Variants in KCTD15 observed in about 807,000 individuals in gnomAD.
KCTD15 encodes the protein potassium channel tetramerization domain containing 15.
In KCTD15, 11 loss-of-function variants were observed where a neutral mutation model predicts 27.2. The ratio of observed to expected loss-of-function variants is 0.41; its 90% CI spans 0.25 to 0.67. The LOEUF (loss-of-function observed/expected upper bound fraction) is 0.67. Among genes scored for constraint, KCTD15 ranks in the 30% least tolerant of loss-of-function variants. The pLI is 0.35. For synonymous variants in KCTD15, 163 were observed against 176.0 expected (o/e 0.93, Z 0.58); for missense variants, 350 against 409.3 (o/e 0.86, Z 1.25).
chr19:33,813,518 TG>T lies in KCTD15; in HGVS notation c.*574del, dbSNP rs1390984521. 5 of 410,728 alleles carry T rather than the reference TG, an allele frequency of 1.2e-5. No individual in the cohort carries two copies. The highest frequency in any genetic ancestry group is 2.1e-5 in the African/African-American group (1 of 48,592). The allele number at this position is 410,728 out of a possible 1,614,324, so 25.4% of individuals were successfully genotyped here. On this transcript the variant is annotated 3_prime_UTR_variant, in exon 7 of 7. Coordinates refer to ENST00000683859, the MANE Select transcript of KCTD15 (RefSeq NM_001129994.2). ...ATTCAGGCCCAGATGCCTGCAGGGCTGGGGCTCTCGGGACAGATGCAGGGAT... is the reference window on the plus strand; with the variant it reads ...ATTCAGGCCCAGATGCCTGCAGGGCTGGGCTCTCGGGACAGATGCAGGGAT...
chr19:33,813,199 C>G lies in KCTD15; in HGVS notation c.*251C>G. On this transcript the variant is annotated 3_prime_UTR_variant, in exon 7 of 7. Coordinates refer to ENST00000683859, the MANE Select transcript of KCTD15 (RefSeq NM_001129994.2). ...GATCTCTGCTGCCAGCTCTCCCAGCCCCTCAGCTTCGCAGCCTGGCGCAGC... is the reference window on the plus strand; with the variant it reads ...GATCTCTGCTGCCAGCTCTCCCAGCGCCTCAGCTTCGCAGCCTGGCGCAGC... The G allele has an allele frequency of 1.6e-6, 1 of 629,184 alleles. No homozygotes were observed. Among genetic ancestry groups the G allele is most frequent in the South Asian group, 1.7e-5 (1 of 57,600 alleles). The allele number at this position is 629,184 out of a possible 1,614,324, so 39.0% of individuals were successfully genotyped here.
In KCTD15 at chr19:33,801,164, T is replaced by A; in HGVS notation, c.67-3T>A. ...TTGTGTTCCGCTTTGTTTCCATCTC[T>A]AGGAGGGAGGAAACATGTCCCGGCT... On this transcript the variant is annotated splice_polypyrimidine_tract_variant and splice_region_variant and intron_variant, in intron 3 of 6. Transcript: ENST00000683859. The A allele has an allele frequency of 6.3e-7, 1 of 1,597,060 alleles. No homozygotes were observed.
intron 6 of KCTD15, 123 bp from the exon 7 acceptor site, chr19:33,812,667 T>A: frequency 7.2e-7 from 1 of 1,385,056 alleles, no homozygotes; most frequent in East Asian, 2.9e-5. Context: ...TGAGCAAGAC[T>A]GAGATCGTCA....
chr19:33,811,990 T>C, intron 6 of KCTD15: 2 of 1,477,324 alleles, frequency 1.4e-6, no homozygotes, highest in Admixed American at 2.7e-5. Flanking sequence ...AGAGAATCCC[T>C]GGACCGGCTC....
At chr19:33,801,784 T>G in intron 4 of KCTD15, 6 of 153,938 alleles carry the variant, frequency 3.9e-5, no homozygotes, top group Middle Eastern at 3.3e-3. Flanking sequence ...CTATTTTCTA[T>G]TCCACCCCTG....
chr19:33,811,989 C>A, intron 6 of KCTD15: 2 of 1,477,080 alleles, frequency 1.4e-6, no homozygotes, highest in Non-Finnish European at 8.9e-7. Context: ...AAGAGAATCC[C>A]TGGACCGGCT....
intron 3 of KCTD15, 126 bp from the exon 4 acceptor site, chr19:33,801,041 C>G: frequency 4.7e-6 from 4 of 847,880 alleles, no homozygotes; most frequent in Non-Finnish European, 7.1e-6. Context: ...TGATCAGGCA[C>G]GGGCAGAAGT....
At chr19:33,794,963 C>A (rs918530354), upstream of KCTD15, among the ~76,000 whole-genome samples, 3 of 152,184 alleles carry the variant, frequency 2.0e-5, no homozygotes. Flanking sequence ...GGTACCGGGG[C>A]GTAGGGAGCA....
At chr19:33,809,549 G>T (rs551065134) in intron 5 of KCTD15, among the ~76,000 whole-genome samples, 311 of 152,158 alleles carry the variant, frequency 2.0e-3, no homozygotes, top group Middle Eastern at 0.014. Flanking sequence ...AAAAGATGGG[G>T]TTGTCTGTCA....
intron 4 of KCTD15, among the ~76,000 whole-genome samples, chr19:33,804,964 T>C (rs528578765): frequency 6.6e-6 from 1 of 152,302 alleles, no homozygotes; most frequent in Non-Finnish European, 1.5e-5. Flanking sequence ...CGTTTGTCTT[T>C]CTTGGCCAGG....
chr19:33,803,248 C>T (rs1227067334), intron 4 of KCTD15, among the ~76,000 whole-genome samples: 1 of 152,228 alleles, frequency 6.6e-6, no homozygotes, highest in African/African-American at 2.4e-5. Context: ...AATCAGGGGA[C>T]AGGAGGCCAG....
intron 5 of KCTD15, among the ~76,000 whole-genome samples, chr19:33,808,096 A>T (rs1975770778): frequency 6.6e-6 from 1 of 152,252 alleles, no homozygotes; most frequent in African/African-American, 2.4e-5. Flanking sequence ...GTCATGCCTC[A>T]GTGCTGAGCC....
chr19:33,807,682 T>A (rs966847394), intron 5 of KCTD15, among the ~76,000 whole-genome samples: 7 of 152,076 alleles, frequency 4.6e-5, no homozygotes, highest in African/African-American at 1.4e-4. Context: ...ATTGCGCCAC[T>A]GCACTCTAGC....
chr19:33,803,890 G>A (rs1247779613), intron 4 of KCTD15, among the ~76,000 whole-genome samples: 2 of 152,088 alleles, frequency 1.3e-5, no homozygotes, highest in Non-Finnish European at 2.9e-5. Context: ...CCATCCTGAT[G>A]CTCCCCCTTG....
intron 5 of KCTD15, 65 bp from the exon 6 acceptor site, chr19:33,811,182 T>G: frequency 2.0e-4 from 47 of 234,460 alleles, no homozygotes; most frequent in East Asian, 3.3e-4. Context: ...CCGCCTCCCC[T>G]CTCCCCCTTC....
intron 4 of KCTD15, among the ~76,000 whole-genome samples, chr19:33,805,097 A>AT (rs979020742): frequency 2.6e-5 from 4 of 151,964 alleles, no homozygotes; most frequent in African/African-American, 7.3e-5. Flanking sequence ...TAATTTTTAA[A>AT]TTTTTTGTAG....
In KCTD15 at chr19:33,815,203, G is replaced by C. The variant is rs948667352; in HGVS notation, c.*2255G>C. The C allele has an allele frequency of 6.6e-6, 1 of 151,988 alleles. No homozygotes were observed. The allele number at this position is 151,988 out of a possible 1,614,324, so 9.4% of individuals were successfully genotyped here. A position where few individuals can be genotyped will look rare whatever the true frequency, so the allele number is the denominator to read the frequency against. On this transcript the variant is annotated 3_prime_UTR_variant, in exon 7 of 7. Coordinates refer to ENST00000683859, the MANE Select transcript of KCTD15 (RefSeq NM_001129994.2). Reference sequence around the variant, plus strand: ...GCTAAAAATAAAATTTATTAATAAAGAAGGGGAAAAAGGAGTAACTCTACC... The same window carrying C: ...GCTAAAAATAAAATTTATTAATAAACAAGGGGAAAAAGGAGTAACTCTACC...
rs1975979348 is a variant in KCTD15, at chr19:33,813,031, G to A, written c.*83G>A. On this transcript the variant is annotated 3_prime_UTR_variant, in exon 7 of 7. Transcript: ENST00000683859. ...TTCTGCCTGTGTATACTTGGCCGTG[G>A]GCATGAGACCGAGGGTGAGGCTGGA... is the stretch of plus-strand genomic sequence containing the variant. The A allele has an allele frequency of 3.6e-6, 5 of 1,390,444 alleles. No individual in the cohort carries two copies. The South Asian group carries it at 5.0e-5, about 14-fold the overall frequency. 86.1% of individuals were successfully genotyped at this position (1,390,444 alleles called of 1,614,324 possible). A position where few individuals can be genotyped will look rare whatever the true frequency, so the allele number is the denominator to read the frequency against.
chr19:33,794,867 C>T (rs1975268508), upstream of KCTD15, among the ~76,000 whole-genome samples: 1 of 152,248 alleles, frequency 6.6e-6, no homozygotes, highest in Admixed American at 6.5e-5. Context: ...GCTGGGCTGA[C>T]CTCTCGGGCC....
Sources: allele counts gnomAD v4.1 joint callset (sites outside exome capture counted in the v4.1 genomes callset), GRCh38; gene constraint gnomAD v4.1.1; transcripts MANE v1.5; gene names NCBI Gene and HGNC (gene_info 2026-07-23, HGNC 2026-07-21).